The following ABCA4 variants were observed in gnomAD, a reference collection of about 807,000 sequenced individuals.
ABCA4 encodes the protein ATP binding cassette subfamily A member 4, also known as retinal-specific phospholipid-transporting ATPase ABCA4.
ABCA4 carries 196 observed loss-of-function variants against 263.7 expected under a neutral mutation model. The observed-to-expected ratio is 0.74, with a 90% CI of 0.66 to 0.84. ABCA4 has a LOEUF of 0.84. Among genes scored for constraint, ABCA4 ranks in the 40% least tolerant of loss-of-function variants. The probability of loss-of-function intolerance (pLI) is 0.00; values close to 1 mark genes in which losing one functional copy is unlikely to be tolerated. For synonymous variants in ABCA4, 1,133 were observed against 1,094.2 expected (o/e 1.04, Z -0.70); for missense variants, 2,792 against 2,855.1 (o/e 0.98, Z 0.50).
At chr1:94,043,231 C>T in intron 21 of ABCA4, 105 bp downstream of exon 21, 2 of 1,525,974 alleles carry the variant, frequency 1.3e-6, no homozygotes, top group Non-Finnish European at 1.8e-6. Flanking sequence ...AGAGGTGTTC[C>T]CACCCTTAGA....
chr1:94,052,567 C>T (rs1171947013), intron 16 of ABCA4, among the ~76,000 whole-genome samples: 1 of 152,134 alleles, frequency 6.6e-6, no homozygotes, highest in Non-Finnish European at 1.5e-5. Flanking sequence ...TTTAGCTTGG[C>T]TAAAATAAAA....
chr1:94,070,445 T>C (rs1661372838), intron 11 of ABCA4, among the ~76,000 whole-genome samples: 1 of 152,212 alleles, frequency 6.6e-6, no homozygotes, highest in Admixed American at 6.5e-5. Context: ...ACTTTGCTTA[T>C]GCCCTTCCTC....
chr1:94,075,953 G>C (rs1282678475), intron 11 of ABCA4, among the ~76,000 whole-genome samples: 5 of 152,224 alleles, frequency 3.3e-5, no homozygotes, highest in African/African-American at 1.2e-4. Flanking sequence ...AGGAAGCACA[G>C]AGGAGTGAAT....
intron 20 of ABCA4, among the ~76,000 whole-genome samples, chr1:94,044,121 CCTCCCTTCCTT>C (rs1323903299): frequency 0.21 from 821 of 3,858 alleles, 12 homozygotes; most frequent in Admixed American, 0.3. Context: ...TTCCTTCCTT[CCTCCCTTCCTT>C]CCTCCCTTCC....
intron 10 of ABCA4, 137 bp downstream of exon 10, chr1:94,078,453 C>A: frequency 2.8e-6 from 2 of 707,270 alleles, no homozygotes; most frequent in South Asian, 3.4e-5. Context: ...GAATGAAGGC[C>A]TTTGGGGCCT....
At chr1:94,080,861 G>GAAAAA in intron 7 of ABCA4, 143 bp from the exon 8 acceptor site, 3 of 1,301,306 alleles carry the variant, frequency 2.3e-6, no homozygotes, top group Admixed American at 2.2e-5. Context: ...ATCCAGCTGC[G>GAAAAA]AAAAACAAAA....
At chr1:94,034,099 A>G (rs1660278538) in intron 26 of ABCA4, among the ~76,000 whole-genome samples, 1 of 152,162 alleles carries the variant, frequency 6.6e-6, no homozygotes, top group Non-Finnish European at 1.5e-5. Context: ...CAGAAGTGGC[A>G]TTGACCCTTG....
chr1:94,081,449 T>C (rs1450729144), intron 7 of ABCA4, among the ~76,000 whole-genome samples: 2 of 152,160 alleles, frequency 1.3e-5, no homozygotes, highest in African/African-American at 4.8e-5. Flanking sequence ...AATGATTCTG[T>C]TGTAGAAAAG....
intron 38 of ABCA4, among the ~76,000 whole-genome samples, chr1:94,012,072 A>T (rs1659562098): frequency 6.6e-6 from 1 of 152,288 alleles, no homozygotes; most frequent in Non-Finnish European, 1.5e-5. Flanking sequence ...CTCCCCTGAG[A>T]AAATAGAAGG....
chr1:94,120,661 G>A (rs1662921187), intron 1 of ABCA4, among the ~76,000 whole-genome samples: 1 of 150,120 alleles, frequency 6.7e-6, no homozygotes, highest in Non-Finnish European at 1.5e-5. Context: ...GCCCTAGAGA[G>A]CGGTAGACTG....
intron 6 of ABCA4, among the ~76,000 whole-genome samples, chr1:94,097,688 G>C (rs549917650): frequency 1.3e-5 from 2 of 152,258 alleles, no homozygotes; most frequent in Non-Finnish European, 2.9e-5. Context: ...ACAGTGATTG[G>C]GGGTGGGGAT....
At chr1:94,068,002 C>G (rs552012401) in intron 11 of ABCA4, among the ~76,000 whole-genome samples, 1 of 152,284 alleles carries the variant, frequency 6.6e-6, no homozygotes, top group South Asian at 2.1e-4. Flanking sequence ...GACTTTTAAG[C>G]CCCAGCCAGG....
rs370840731 is a variant in ABCA4, at chr1:94,047,994, T to G, written c.2743+874A>C. Among the ~76,000 whole-genome samples the G allele has an allele frequency of 1.7e-3, 262 of 152,372 alleles. 1 individual carries two copies. Among genetic ancestry groups the G allele is most frequent in the African/African-American group, 5.9e-3 (246 of 41,592 alleles). On this transcript the variant is annotated intron_variant, in intron 18 of 49. Transcript: ENST00000370225. ...TCTATCCGTGCCTCCTGGCCTTGCC[T>G]GCAACTGAGGTGGAACCAGTCCCCA...
intron 26 of ABCA4, among the ~76,000 whole-genome samples, chr1:94,036,017 C>T (rs970520387): frequency 2.6e-5 from 4 of 152,160 alleles, no homozygotes; most frequent in African/African-American, 9.7e-5. Context: ...TTATGTTGAT[C>T]TCAAAGGGGC....
chr1:94,001,109 G>C lies in ABCA4; in HGVS notation c.6283-4C>G, dbSNP rs374652451. ...CCATCCCTGTGGTGGGCTCATCCTG[G>C]GGGGTGGAGAGAAGGTTGGGGGCAC... On this transcript the variant is annotated splice_region_variant and splice_polypyrimidine_tract_variant and intron_variant, in intron 45 of 49. Transcript: ENST00000370225. The C allele has an allele frequency of 1.7e-5, 28 of 1,612,600 alleles. No homozygotes were observed. The African/African-American group carries it at 2.0e-4, about 12-fold the overall frequency.
intron 5 of ABCA4, among the ~76,000 whole-genome samples, chr1:94,100,461 G>T (rs1022931150): frequency 1.3e-5 from 2 of 152,234 alleles, no homozygotes; most frequent in African/African-American, 4.8e-5. Flanking sequence ...ATAGCTAAGT[G>T]TGTGGCCTTG....
chr1:94,105,018 C>T (rs886645538), intron 4 of ABCA4, among the ~76,000 whole-genome samples: 10 of 152,258 alleles, frequency 6.6e-5, no homozygotes, highest in Admixed American at 3.3e-4. Flanking sequence ...TGCACACGCA[C>T]GCATATGCAG....
At chr1:94,000,736 G>T (rs1008171202) in intron 47 of ABCA4, 100 bp downstream of exon 47, 3 of 1,269,062 alleles carry the variant, frequency 2.4e-6, no homozygotes, top group Non-Finnish European at 3.5e-6. Flanking sequence ...TGCCCCAGGG[G>T]ATGACGGAGC....
chr1:93,999,963 C>T (rs1659130076), intron 47 of ABCA4, among the ~76,000 whole-genome samples: 2 of 152,224 alleles, frequency 1.3e-5, no homozygotes. Context: ...GTCAAACGTC[C>T]ACTTGCCACA....
Sources: gnomAD v4.1 joint callset for allele counts (sites outside exome capture counted in the v4.1 genomes callset) on GRCh38, gnomAD v4.1.1 for gene constraint, MANE v1.5 for transcripts, NCBI Gene and HGNC (gene_info 2026-07-23, HGNC 2026-07-21) for gene names.